Variants in EIF2AK2 observed in about 807,000 individuals in gnomAD.
EIF2AK2 encodes eukaryotic translation initiation factor 2 alpha kinase 2.
In EIF2AK2, 40 loss-of-function variants were observed where a neutral mutation model predicts 70.5. The observed-to-expected ratio is 0.57, with a 90% confidence interval of 0.44 to 0.74. The LOEUF (loss-of-function observed/expected upper bound fraction) is 0.74, where lower values mean the gene tolerates loss of function less well. EIF2AK2 is among the 30% of genes least tolerant of loss of function. The pLI is 0.00. For synonymous variants in EIF2AK2, 198 were observed against 220.9 expected (o/e 0.90, Z 0.92); for missense variants, 555 against 644.3 (o/e 0.86, Z 1.50).
chr2:37,100,619 CATAATCACAG>C lies in EIF2AK2; in HGVS notation c.*6644_*6653del, dbSNP rs1383851460. 6.6e-6 allele frequency: 1 copy of C among 152,174 alleles called. No homozygotes were observed. The highest frequency in any genetic ancestry group is 1.5e-5 in the Non-Finnish European group (1 of 68,044). 9.4% of individuals were successfully genotyped at this position (152,174 alleles called of 1,614,324 possible). A position where few individuals can be genotyped will look rare whatever the true frequency, so the allele number is the denominator to read the frequency against. On this transcript the variant is annotated 3_prime_UTR_variant, in exon 17 of 17. Coordinates refer to ENST00000233057, the MANE Select transcript of EIF2AK2 (RefSeq NM_001135651.3). ...TAAGAAATGTAAGATTTGGATAAGTCATAATCACAGATCAGAAACTGCAGACATTGAGGCC... is the reference window on the plus strand; with the variant it reads ...TAAGAAATGTAAGATTTGGATAAGTCATCAGAAACTGCAGACATTGAGGCC...
intron 1 of EIF2AK2, among the ~76,000 whole-genome samples, chr2:37,151,928 C>G (rs1275874964): frequency 1.3e-5 from 2 of 152,158 alleles, no homozygotes; most frequent in South Asian, 4.1e-4. Context: ...TAGCCGGGCG[C>G]GGTGGCGCGC....
intron 3 of EIF2AK2, among the ~76,000 whole-genome samples, chr2:37,147,482 T>G (rs1320044965): frequency 6.5e-5 from 7 of 108,342 alleles, no homozygotes; most frequent in Admixed American, 1.3e-4. Context: ...CCCACAACAG[T>G]CCCTGGTGTG....
intron 8 of EIF2AK2, among the ~76,000 whole-genome samples, chr2:37,138,023 T>C (rs1675187595): frequency 6.7e-6 from 1 of 149,176 alleles, no homozygotes; most frequent in African/African-American, 2.5e-5. Flanking sequence ...GGCAGGAGAA[T>C]CGCTTGAACC....
At chr2:37,128,718 C>T (rs1237627359) in intron 10 of EIF2AK2, among the ~76,000 whole-genome samples, 1 of 152,158 alleles carries the variant, frequency 6.6e-6, no homozygotes, top group African/African-American at 2.4e-5. Flanking sequence ...ACTTTAAGTT[C>T]CCCTTGATTA....
chr2:37,107,258 T>A lies in EIF2AK2; in HGVS notation c.*15A>T. 1 of 1,603,552 alleles carries A rather than the reference T, an allele frequency of 6.2e-7. No homozygotes were observed. ...AAACTGCATATCAGAAGCAGGATAC[T>A]TTTTCAGAAGGGCTCTAACATGTGT... is the stretch of plus-strand genomic sequence containing the variant. On this transcript the variant is annotated 3_prime_UTR_variant, in exon 17 of 17. Coordinates refer to ENST00000233057, the MANE Select transcript of EIF2AK2 (RefSeq NM_001135651.3).
Position 37,109,227 on chromosome 2 carries a change from A to G in EIF2AK2, c.1446T>C (p.Leu482=). 1 of 1,614,182 alleles carries G rather than the reference A, an allele frequency of 6.2e-7. No homozygotes were observed. The highest frequency in any genetic ancestry group is 1.1e-5 in the South Asian group (1 of 91,080). The change falls in exon 15 of 17, where the codon CTT becomes CTC. Residue 482 remains leucine (L), a synonymous_variant. Transcript: ENST00000233057. ...YALGLILAEL[L]HVCDTAFETS... The stretch of plus-strand genomic sequence containing the variant: ...TTTCAAAAGCAGTGTCACATACATG[A>G]AGAAGTTCAGCAAGAATTAGCCCCA...
Position 37,099,509 on chromosome 2 carries a change from G to A in EIF2AK2, c.*7764C>T, listed in dbSNP as rs1188818090. ...AGAACAATTAGGTACTAAACAATGGGAGTACTAGGGAGAAGATTCATTTTG... is the reference window on the plus strand; with the variant it reads ...AGAACAATTAGGTACTAAACAATGGAAGTACTAGGGAGAAGATTCATTTTG... On this transcript the variant is annotated 3_prime_UTR_variant, in exon 17 of 17. Transcript: ENST00000233057. The A allele has an allele frequency of 1.3e-5, 2 of 152,178 alleles. No individual in the cohort carries two copies. Among genetic ancestry groups the A allele is most frequent in the African/African-American group, 2.4e-5 (1 of 41,464 alleles). 9.4% of individuals were successfully genotyped at this position (152,178 alleles called of 1,614,324 possible).
intron 1 of EIF2AK2, among the ~76,000 whole-genome samples, chr2:37,151,875 G>C (rs1175299573): frequency 6.6e-6 from 1 of 152,356 alleles, no homozygotes; most frequent in Admixed American, 6.5e-5. Flanking sequence ...TCAGGAGATC[G>C]AGACCACGGT....
At chr2:37,148,781 G>GC (rs1454812086) in intron 2 of EIF2AK2, 76 bp downstream of exon 2, 2 of 820,772 alleles carry the variant, frequency 2.4e-6, no homozygotes, top group South Asian at 1.3e-5. Context: ...CAAAAAACTA[G>GC]CCCCCCAGAA....
intron 15 of EIF2AK2, among the ~76,000 whole-genome samples, chr2:37,108,640 G>A (rs1441617040): frequency 1.3e-5 from 2 of 152,142 alleles, no homozygotes; most frequent in Non-Finnish European, 2.9e-5. Context: ...TGTGATCTTG[G>A]CTCACTGCAA....
intron 10 of EIF2AK2, among the ~76,000 whole-genome samples, chr2:37,132,922 C>T (rs758105854): frequency 3.3e-5 from 5 of 152,124 alleles, no homozygotes; most frequent in Non-Finnish European, 7.4e-5. Flanking sequence ...GAGGCTTTTC[C>T]GAAAACCAAC....
intron 11 of EIF2AK2, among the ~76,000 whole-genome samples, chr2:37,125,908 A>G (rs1444719937): frequency 6.6e-6 from 1 of 152,362 alleles, no homozygotes; most frequent in South Asian, 2.1e-4. Flanking sequence ...TTCCTCATCT[A>G]TAAAATAAGA....
At position 37,141,567 on chromosome 2, in the gene EIF2AK2, C is replaced by A; in HGVS notation, c.375G>T (p.Val125=). ...TTATGTCTTACCCTTCTGGCCCATG[C>A]ACCCCCGATGCACACTGTTCATAAT... ...TVNYEQCASG[V]HGPEGFHYKC... The change falls in exon 5 of 17, where the codon GTG becomes GTT. Residue 125 remains valine (V), a synonymous_variant. Coordinates refer to ENST00000233057, the MANE Select transcript of EIF2AK2 (RefSeq NM_001135651.3). 1 of 1,613,102 alleles carries A rather than the reference C, an allele frequency of 6.2e-7. No individual in the cohort carries two copies. Among genetic ancestry groups the A allele is most frequent in the Non-Finnish European group, 8.5e-7 (1 of 1,179,806 alleles).
rs1177963109 is a variant in EIF2AK2 at position 37,101,583 on chromosome 2, AAAAT to A, written c.*5686_*5689del. On this transcript the variant is annotated 3_prime_UTR_variant, in exon 17 of 17. Coordinates refer to ENST00000233057, the MANE Select transcript of EIF2AK2 (RefSeq NM_001135651.3). Reference sequence around the variant, plus strand: ...ATCACCTATGGAGTATTCTTGGGGGAAAATAAATGAACCAGGATCAAATCCAGCT... The same window carrying A: ...ATCACCTATGGAGTATTCTTGGGGGAAAATGAACCAGGATCAAATCCAGCT... 6.6e-6 allele frequency: 1 copy of A among 152,164 alleles called. No homozygotes were observed. Among genetic ancestry groups the A allele is most frequent in the Admixed American group, 6.5e-5 (1 of 15,272 alleles). 9.4% of individuals were successfully genotyped at this position (152,164 alleles called of 1,614,324 possible). A position where few individuals can be genotyped will look rare whatever the true frequency, so the allele number is the denominator to read the frequency against.
At chr2:37,146,752 G>C (rs974769460) in intron 4 of EIF2AK2, 101 bp downstream of exon 4, 3 of 1,406,928 alleles carry the variant, frequency 2.1e-6, no homozygotes, top group African/African-American at 1.4e-5. Context: ...GTAAGGGAAC[G>C]TGTGAATGGC....
chr2:37,122,867 A>T (rs1464109237), intron 11 of EIF2AK2, among the ~76,000 whole-genome samples: 3 of 152,172 alleles, frequency 2.0e-5, no homozygotes, highest in African/African-American at 7.2e-5. Context: ...CTCACTCTCA[A>T]GATAAAATAA....
chr2:37,155,217 T>G (rs1253793114), intron 1 of EIF2AK2, among the ~76,000 whole-genome samples: 4 of 152,194 alleles, frequency 2.6e-5, no homozygotes, highest in Admixed American at 1.3e-4. Flanking sequence ...GCCTGGTCAA[T>G]TTCTACTTCC....
intron 4 of EIF2AK2, among the ~76,000 whole-genome samples, chr2:37,143,143 G>A (rs982015099): frequency 2.0e-5 from 3 of 150,368 alleles, no homozygotes; most frequent in Admixed American, 6.7e-5. Context: ...GCAGAGAATT[G>A]CTTGAACATG....
At position 37,100,203 on chromosome 2, in the gene EIF2AK2, T is replaced by C. The variant is rs1390718481; in HGVS notation, c.*7070A>G. 6.6e-6 allele frequency: 1 copy of C among 152,160 alleles called. No individual in the cohort carries two copies. The highest frequency in any genetic ancestry group is 1.5e-5 in the Non-Finnish European group (1 of 68,030). The allele number at this position is 152,160 out of a possible 1,614,324, so 9.4% of individuals were successfully genotyped here. ...AGAGCCACTGAGTGCAAAAGCCTGT[T>C]GAGGTAAAACTGCAGACCTGCATGG... On this transcript the variant is annotated 3_prime_UTR_variant, in exon 17 of 17. Transcript: ENST00000233057.
Sources: gnomAD v4.1 joint callset for allele counts (sites outside exome capture counted in the v4.1 genomes callset) on GRCh38, gnomAD v4.1.1 for gene constraint, MANE v1.5 for transcripts, NCBI Gene and HGNC (gene_info 2026-07-23, HGNC 2026-07-21) for gene names.